Variants in GALNT13 observed in about 807,000 individuals in gnomAD.
The protein encoded by GALNT13 is UDP-GalNAc:polypeptide N-acetylgalactosaminyltransferase 13.
GALNT13 carries 28 observed loss-of-function variants against 64.2 expected under a neutral mutation model. That is an observed-to-expected ratio of 0.44 (90% CI 0.32 to 0.60). The LOEUF is 0.60. Among genes scored for constraint, GALNT13 ranks in the 20% least tolerant of loss-of-function variants. The probability of loss-of-function intolerance (pLI) is 0.05; values close to 1 mark genes in which losing one functional copy is unlikely to be tolerated. For missense variants in GALNT13, 577 were observed against 669.8 expected (o/e 0.86, Z 1.53); for synonymous variants, 214 against 224.6 (o/e 0.95, Z 0.42).
At chr2:153,756,395 C>T in the GALNT13 span, among the ~76,000 whole-genome samples, 7 of 152,008 alleles carry the variant, frequency 4.6e-5, no homozygotes, top group African/African-American at 1.7e-4. Context: ...TTAAATGAAC[C>T]ATTTAAAGGA....
At chr2:154,078,514 T>G (rs1193884750) in intron 3 of GALNT13, among the ~76,000 whole-genome samples, 1 of 151,544 alleles carries the variant, frequency 6.6e-6, no homozygotes, top group East Asian at 1.9e-4. Context: ...AGGTTCTTTC[T>G]TCATCTTTCT....
chr2:154,141,484 C>G (rs978491892), intron 4 of GALNT13, among the ~76,000 whole-genome samples: 1 of 151,580 alleles, frequency 6.6e-6, no homozygotes, highest in East Asian at 1.9e-4. Flanking sequence ...TCAATTTTTT[C>G]TTTTAAAAAC....
At chr2:153,587,034 C>A in the GALNT13 span, among the ~76,000 whole-genome samples, 1 of 151,936 alleles carries the variant, frequency 6.6e-6, no homozygotes, top group Non-Finnish European at 1.5e-5. Flanking sequence ...GAGTTTGAGA[C>A]CAGCCTGGCC....
intron 3 of GALNT13, among the ~76,000 whole-genome samples, chr2:154,139,179 T>G (rs1012361606): frequency 6.6e-6 from 1 of 152,078 alleles, no homozygotes; most frequent in Admixed American, 6.6e-5. Flanking sequence ...TGTGTATTCA[T>G]GCTAATAATA....
intron 4 of GALNT13, among the ~76,000 whole-genome samples, chr2:154,153,596 T>C (rs1684203323): frequency 6.6e-6 from 1 of 152,210 alleles, no homozygotes; most frequent in African/African-American, 2.4e-5. Flanking sequence ...ATTTCGAGCT[T>C]CCTGGCTGCT....
At chr2:154,371,346 A>G (rs775194900) in intron 9 of GALNT13, among the ~76,000 whole-genome samples, 1 of 152,104 alleles carries the variant, frequency 6.6e-6, no homozygotes, top group African/African-American at 2.4e-5. Context: ...GTTTCCAGGT[A>G]ATTATAATGT....
chr2:153,634,028 G>T, the GALNT13 span, among the ~76,000 whole-genome samples: 432 of 151,930 alleles, frequency 2.8e-3, 1 homozygote, highest in Middle Eastern at 6.8e-3. Context: ...ATTTTCCATC[G>T]TCTCATTGAA....
the GALNT13 span, among the ~76,000 whole-genome samples, chr2:153,572,046 T>C: frequency 6.6e-6 from 1 of 151,894 alleles, no homozygotes; most frequent in African/African-American, 2.4e-5. Context: ...AAGATTTTGG[T>C]AGAATTCAGC....
chr2:153,330,283 T>C, the GALNT13 span, among the ~76,000 whole-genome samples: 1 of 152,138 alleles, frequency 6.6e-6, no homozygotes, highest in Admixed American at 6.6e-5. Context: ...TCCATATGAG[T>C]TTTAGAATAG....
chr2:154,146,539 C>A (rs1458622033), intron 4 of GALNT13, among the ~76,000 whole-genome samples: 1 of 151,784 alleles, frequency 6.6e-6, no homozygotes, highest in Non-Finnish European at 1.5e-5. Context: ...AATATGCTAC[C>A]CTAAAATATG....
the GALNT13 span, among the ~76,000 whole-genome samples, chr2:153,424,414 A>G: frequency 6.6e-6 from 1 of 151,780 alleles, no homozygotes; most frequent in Non-Finnish European, 1.5e-5. Context: ...TAGTGTATGG[A>G]ATATGCAAAT....
At chr2:154,180,824 T>G (rs1473494734) in intron 4 of GALNT13, among the ~76,000 whole-genome samples, 1 of 152,204 alleles carries the variant, frequency 6.6e-6, no homozygotes, top group Admixed American at 6.6e-5. Context: ...TAACTGGAGA[T>G]CTTTATAAGC....
intron 9 of GALNT13, among the ~76,000 whole-genome samples, chr2:154,376,737 A>G (rs751056432): frequency 6.6e-6 from 1 of 152,136 alleles, no homozygotes; most frequent in Non-Finnish European, 1.5e-5. Context: ...TTTTTAATTC[A>G]AACTCATTAA....
chr2:153,616,128 G>C, the GALNT13 span, among the ~76,000 whole-genome samples: 1 of 151,386 alleles, frequency 6.6e-6, no homozygotes, highest in African/African-American at 2.4e-5. Context: ...AGAGATAGGG[G>C]TCTAGTTTCA....
At chr2:154,391,533 C>T (rs559987805) in intron 9 of GALNT13, among the ~76,000 whole-genome samples, 41 of 152,238 alleles carry the variant, frequency 2.7e-4, no homozygotes, top group African/African-American at 9.9e-4. Flanking sequence ...GCAATGAAAC[C>T]AGCCCCATCC....
intron 8 of GALNT13, among the ~76,000 whole-genome samples, chr2:154,296,047 C>T (rs1275701350): frequency 6.6e-6 from 1 of 152,164 alleles, no homozygotes; most frequent in Admixed American, 6.5e-5. Flanking sequence ...CTCTATTTCA[C>T]CCAACTGCCT....
At chr2:153,551,917 G>A in the GALNT13 span, among the ~76,000 whole-genome samples, 2 of 152,146 alleles carry the variant, frequency 1.3e-5, no homozygotes, top group Non-Finnish European at 2.9e-5. Context: ...GGAAAGAAGA[G>A]TGAACTGAGC....
the GALNT13 span, among the ~76,000 whole-genome samples, chr2:153,629,052 A>C: frequency 6.6e-6 from 1 of 151,932 alleles, no homozygotes; most frequent in East Asian, 1.9e-4. Context: ...CAGAGATTCA[A>C]ATTCTTCCTG....
At chr2:153,616,113 T>A in the GALNT13 span, among the ~76,000 whole-genome samples, 1 of 151,978 alleles carries the variant, frequency 6.6e-6, no homozygotes, top group Non-Finnish European at 1.5e-5. Context: ...TTTTTGTATA[T>A]GGTGAGAGAT....
Sources: gnomAD v4.1 joint callset for allele counts (sites outside exome capture counted in the v4.1 genomes callset) on GRCh38, gnomAD v4.1.1 for gene constraint, MANE v1.5 for transcripts, NCBI Gene and HGNC (gene_info 2026-07-23, HGNC 2026-07-21) for gene names.